Variants in DYRK1A observed in about 807,000 individuals in gnomAD.
DYRK1A encodes dual specificity tyrosine-phosphorylation-regulated kinase 1A.
A neutral mutation model predicts 79.7 loss-of-function variants in DYRK1A; 9 were observed. That is an observed-to-expected ratio of 0.11 (90% CI 0.07 to 0.20). DYRK1A has a LOEUF of 0.20. Ranked by LOEUF, DYRK1A falls within the 10% of genes least tolerant of loss-of-function variation. The probability of loss-of-function intolerance (pLI) is 1.00; values close to 1 mark genes in which losing one functional copy is unlikely to be tolerated. For missense variants in DYRK1A, 622 were observed against 956.0 expected (o/e 0.65, Z 4.61); for synonymous variants, 349 against 329.7 (o/e 1.06, Z -0.63).
At chr21:37,420,271 T>G in intron 1 of DYRK1A, 28 bp from the exon 2 acceptor site, 1 of 892,542 alleles carries the variant, frequency 1.1e-6, no homozygotes, top group East Asian at 2.7e-5. Context: ...TCATTATCTC[T>G]TATCATAATC....
At position 37,492,561 on chromosome 21, in the gene DYRK1A, AATTAT is replaced by A. The variant is rs139245184; in HGVS notation, c.925-447_925-443del. ...CAAGAGTACAAATATCTGAATTTTA[AATTAT>A]ATTATATTGAAGTTACTTGACTTTT... is the stretch of plus-strand genomic sequence containing the variant. On this transcript the variant is annotated intron_variant, in intron 7 of 11. Coordinates refer to ENST00000647188, the MANE Select transcript of DYRK1A (RefSeq NM_001347721.2). Among the ~76,000 whole-genome samples, 1,381 of 152,278 alleles carry A rather than the reference AATTAT, an allele frequency of 9.1e-3. 17 individuals are homozygous for A. The highest frequency in any genetic ancestry group is 0.032 in the African/African-American group (1,325 of 41,520).
chr21:37,463,781 G>A (rs555421797), intron 2 of DYRK1A, among the ~76,000 whole-genome samples: 14 of 152,272 alleles, frequency 9.2e-5, no homozygotes, highest in African/African-American at 3.4e-4. Context: ...ATTCATTTTG[G>A]ATGTGCCTTG....
chr21:37,440,438 C>T (rs2051068431), intron 2 of DYRK1A, among the ~76,000 whole-genome samples: 1 of 151,970 alleles, frequency 6.6e-6, no homozygotes, highest in Non-Finnish European at 1.5e-5. Context: ...CGCCCAGCTT[C>T]ATTTGCTCTT....
chr21:37,479,401 T>C (rs565299903), intron 4 of DYRK1A, among the ~76,000 whole-genome samples: 1 of 151,302 alleles, frequency 6.6e-6, no homozygotes, highest in East Asian at 1.9e-4. Context: ...AGTTAAACTG[T>C]TGTTAACAGT....
chr21:37,365,845 G>A (rs1186946458), upstream of DYRK1A: 1 of 152,494 alleles, frequency 6.6e-6, no homozygotes, highest in Non-Finnish European at 1.5e-5. Context: ...GTGGGGAGAG[G>A]TTGGAAGCAG....
At chr21:37,492,026 G>A (rs1172187791) in intron 7 of DYRK1A, among the ~76,000 whole-genome samples, 4 of 152,208 alleles carry the variant, frequency 2.6e-5, no homozygotes, top group Admixed American at 6.5e-5. Context: ...AAATTAGATA[G>A]GGAGGTGACA....
chr21:37,449,774 A>G (rs1466267113), intron 2 of DYRK1A, among the ~76,000 whole-genome samples: 1 of 152,094 alleles, frequency 6.6e-6, no homozygotes, highest in Non-Finnish European at 1.5e-5. Flanking sequence ...TTTTCCCCAT[A>G]AATATCCTGT....
chr21:37,499,540 T>C (rs2148635249), intron 9 of DYRK1A, among the ~76,000 whole-genome samples: 1 of 152,332 alleles, frequency 6.6e-6, no homozygotes, highest in East Asian at 1.9e-4. Context: ...ATATTAAGTC[T>C]TCCACTCTGT....
At chr21:37,381,216 T>G (rs1060578) in intron 1 of DYRK1A, among the ~76,000 whole-genome samples, 30,054 of 152,026 alleles carry the variant, frequency 0.2, 3,205 homozygotes, top group East Asian at 0.36. Flanking sequence ...AAACCTACAG[T>G]AGGAAGATGT....
At chr21:37,489,020 G>A (rs1425887593) in intron 6 of DYRK1A, among the ~76,000 whole-genome samples, 2 of 151,926 alleles carry the variant, frequency 1.3e-5, no homozygotes, top group African/African-American at 2.4e-5. Flanking sequence ...TATTTTTATT[G>A]TGTTACTTAT....
intron 1 of DYRK1A, among the ~76,000 whole-genome samples, chr21:37,380,252 C>G (rs2049629625): frequency 6.6e-6 from 1 of 152,140 alleles, no homozygotes; most frequent in African/African-American, 2.4e-5. Flanking sequence ...ACTGTTACCA[C>G]AGTGGTGTTT....
chr21:37,498,172 CTA>C (rs1384804598), intron 9 of DYRK1A, among the ~76,000 whole-genome samples: 1 of 152,016 alleles, frequency 6.6e-6, no homozygotes, highest in African/African-American at 2.4e-5. Flanking sequence ...GAAATAAATA[CTA>C]TATATTTTTT....
chr21:37,409,556 T>C (rs1326274083), intron 1 of DYRK1A, among the ~76,000 whole-genome samples: 1 of 152,236 alleles, frequency 6.6e-6, no homozygotes, highest in East Asian at 1.9e-4. Flanking sequence ...TTACTCATTG[T>C]GGCCCCTAGT....
rs1394888742 is a variant in DYRK1A at position 37,512,300 on chromosome 21, T to C, written c.2034T>C (p.Ala678=). The stretch of plus-strand genomic sequence containing the variant: ...CCTACCAGAATCGCCCAGTGGCTGC[T>C]AATACCTTGGACTTTGGACAGAATG... ...NQAYQNRPVA[A]NTLDFGQNGA... The change falls in exon 12 of 12, where the codon GCT becomes GCC. Residue 678 remains alanine (A), a synonymous_variant. Transcript: ENST00000647188. 1 of 1,614,120 alleles carries C rather than the reference T, an allele frequency of 6.2e-7. No individual in the cohort carries two copies. The highest frequency in any genetic ancestry group is 2.2e-5 in the East Asian group (1 of 44,902).
intron 2 of DYRK1A, among the ~76,000 whole-genome samples, chr21:37,445,077 G>A (rs527916514): frequency 6.6e-6 from 1 of 152,240 alleles, no homozygotes; most frequent in Admixed American, 6.5e-5. Context: ...TGGAAATCTG[G>A]GCAGGATGGC....
In DYRK1A at chr21:37,490,075, T is replaced by C. The variant is rs141005003; in HGVS notation, c.638-100T>C. ...CTCCAAACTTTAACTGAACTCTGCA[T>C]TTGATGTAATAATGTTATAGAACAT... On this transcript the variant is annotated intron_variant, in intron 6 of 11. Transcript: ENST00000647188. 1,032 of 1,188,228 alleles carry C rather than the reference T, an allele frequency of 8.7e-4. 10 individuals are homozygous for C. In the African/African-American group the frequency reaches 0.014, roughly 16 times the overall value. The allele number at this position is 1,188,228 out of a possible 1,614,324, so 73.6% of individuals were successfully genotyped here. A position where few individuals can be genotyped will look rare whatever the true frequency, so the allele number is the denominator to read the frequency against.
chr21:37,368,355 A>T (rs556642536), intron 1 of DYRK1A, among the ~76,000 whole-genome samples: 6 of 152,068 alleles, frequency 3.9e-5, no homozygotes, highest in African/African-American at 1.2e-4. Context: ...GCACAAACCC[A>T]CTCTCGCTTC....
intron 2 of DYRK1A, among the ~76,000 whole-genome samples, chr21:37,449,949 G>C (rs1053381649): frequency 6.6e-6 from 1 of 152,184 alleles, no homozygotes; most frequent in African/African-American, 2.4e-5. Context: ...TGGAAACTAT[G>C]CTGGAAAAAT....
rs1336268335 is a variant in DYRK1A at position 37,517,127 on chromosome 21, C to G, written c.*4596C>G. 1 of 152,188 alleles carries G rather than the reference C, an allele frequency of 6.6e-6. No individual in the cohort carries two copies. The highest frequency in any genetic ancestry group is 2.4e-5 in the African/African-American group (1 of 41,438). 9.4% of individuals were successfully genotyped at this position (152,188 alleles called of 1,614,324 possible). A position where few individuals can be genotyped will look rare whatever the true frequency, so the allele number is the denominator to read the frequency against. On this transcript the variant is annotated 3_prime_UTR_variant, in exon 12 of 12. Coordinates refer to ENST00000647188, the MANE Select transcript of DYRK1A (RefSeq NM_001347721.2). Reference sequence around the variant, plus strand: ...TAAACCGGCTTCCCTTCGCTTTTACCAGGTAGCCTGGTTCAGTCCCAGCTG... The same window carrying G: ...TAAACCGGCTTCCCTTCGCTTTTACGAGGTAGCCTGGTTCAGTCCCAGCTG...
Sources: allele counts gnomAD v4.1 joint callset (sites outside exome capture counted in the v4.1 genomes callset), GRCh38; gene constraint gnomAD v4.1.1; transcripts MANE v1.5; gene names NCBI Gene and HGNC (gene_info 2026-07-23, HGNC 2026-07-21).